EPB41: variants seen among roughly 807,000 people sequenced by gnomAD.
EPB41 encodes the protein protein 4.1.
Under a neutral mutation model 108.0 loss-of-function variants are expected in EPB41, and 65 were observed. The ratio of observed to expected loss-of-function variants is 0.60; its 90% confidence interval spans 0.49 to 0.74. EPB41 has a LOEUF of 0.74. EPB41 is among the 30% of genes least tolerant of loss of function. The pLI is 0.00. For synonymous variants in EPB41, 336 were observed against 358.9 expected, an observed-to-expected ratio of 0.94 and a Z score of 0.72; for missense variants, 875 against 1,037.0, an observed-to-expected ratio of 0.84 and a Z score of 2.15.
At chr1:28,970,612 T>G (rs1325987724) in intron 1 of EPB41, among the ~76,000 whole-genome samples, 1 of 152,192 alleles carries the variant, frequency 6.6e-6, no homozygotes, top group African/African-American at 2.4e-5. Context: ...AGAGTTTATA[T>G]GGATACAACA....
intron 10 of EPB41, 84 bp downstream of exon 10, chr1:29,036,007 T>A: frequency 1.0e-6 from 1 of 998,396 alleles, no homozygotes; most frequent in Non-Finnish European, 1.6e-6. Context: ...TTCCTTTCAT[T>A]GTATGACTGG....
At chr1:29,067,640 C>A (rs1209244716) in intron 16 of EPB41, among the ~76,000 whole-genome samples, 1 of 146,456 alleles carries the variant, frequency 6.8e-6, no homozygotes, top group Non-Finnish European at 1.5e-5. Flanking sequence ...GCACTCCAGC[C>A]TGGGCAACGG....
intron 1 of EPB41, among the ~76,000 whole-genome samples, chr1:28,981,272 A>G (rs1332731637): frequency 2.0e-5 from 3 of 152,248 alleles, no homozygotes; most frequent in African/African-American, 7.2e-5. Context: ...GCCTAAAACA[A>G]CATATATGCA....
chr1:29,096,915 G>T (rs1663400060), intron 16 of EPB41: 1 of 152,218 alleles, frequency 6.6e-6, no homozygotes, highest in Non-Finnish European at 1.5e-5. Context: ...GACTTCTGTG[G>T]TGAGGAGGCT....
intron 9 of EPB41, among the ~76,000 whole-genome samples, chr1:29,035,579 G>GAA (rs796270560): frequency 0.011 from 1,495 of 132,766 alleles, 28 homozygotes; most frequent in African/African-American, 0.038. Flanking sequence ...GTGTTTTCTG[G>GAA]AAAAAAAAAA....
At chr1:28,973,412 C>T (rs2095535852) in intron 1 of EPB41, among the ~76,000 whole-genome samples, 2 of 151,950 alleles carry the variant, frequency 1.3e-5, no homozygotes. Flanking sequence ...TTTTCAGAGA[C>T]AGGGTCTTGC....
At position 29,038,831 on chromosome 1, in the gene EPB41, C is replaced by G. The variant is rs998735192; in HGVS notation, c.1464-423C>G. ...TTAATTGAGTTTGGAGTGCATTTGA[C>G]AAAACTGTCATTCCAGGAGAGTGGA... On this transcript the variant is annotated intron_variant, in intron 10 of 20. Coordinates refer to ENST00000343067, the MANE Select transcript of EPB41 (RefSeq NM_001376013.1). Among the ~76,000 whole-genome samples the G allele has an allele frequency of 2.0e-5, 3 of 152,194 alleles. No homozygotes were observed. In the South Asian group the frequency reaches 6.2e-4, roughly 31 times the overall value.
chr1:29,020,731 C>T (rs980156087), intron 7 of EPB41, among the ~76,000 whole-genome samples: 10 of 151,884 alleles, frequency 6.6e-5, no homozygotes, highest in Middle Eastern at 3.4e-3. Flanking sequence ...GATCATAGCT[C>T]GCTGCAGCTT....
Position 29,115,676 on chromosome 1 carries a change from G to A in EPB41, c.2497-23G>A. The A allele has an allele frequency of 6.2e-7, 1 of 1,603,094 alleles. No homozygotes were observed. Among genetic ancestry groups the A allele is most frequent in the Non-Finnish European group, 8.5e-7 (1 of 1,170,414 alleles). ...CCATCAGGCTATTTTCTGCCTCATT[G>A]CCCTTGTTTCTGTCTTTTGTAGGTC... On this transcript the variant is annotated intron_variant, in intron 19 of 20. Coordinates refer to ENST00000343067, the MANE Select transcript of EPB41 (RefSeq NM_001376013.1). This position sits in a 1 kb window ranked among gnomAD's most constrained non-coding sequence, Gnocchi z 4.4.
chr1:28,936,467 G>T (rs1330921723), intron 1 of EPB41, among the ~76,000 whole-genome samples: 1 of 152,028 alleles, frequency 6.6e-6, no homozygotes, highest in Non-Finnish European at 1.5e-5. Flanking sequence ...CAATTCAGTG[G>T]TCTTTTAGTA....
chr1:28,952,542 A>G (rs999188889), intron 1 of EPB41, among the ~76,000 whole-genome samples: 2 of 152,140 alleles, frequency 1.3e-5, no homozygotes, highest in African/African-American at 4.8e-5. Flanking sequence ...ATTAATAATA[A>G]TTAAAAAAAA....
rs568347858 is a variant in EPB41 at position 28,940,568 on chromosome 1, C to T, written c.-8+25800C>T. On this transcript the variant is annotated intron_variant, in intron 1 of 20. Coordinates refer to ENST00000343067, the MANE Select transcript of EPB41 (RefSeq NM_001376013.1). ...TCTGGAAGCTGAGGCAGGAAAATCACTTGAACCCGGGAGGCGGAGGTTGCA... is the reference window on the plus strand; with the variant it reads ...TCTGGAAGCTGAGGCAGGAAAATCATTTGAACCCGGGAGGCGGAGGTTGCA... Among the ~76,000 whole-genome samples, 11 of 152,274 alleles carry T rather than the reference C, an allele frequency of 7.2e-5. No homozygotes were observed. In the South Asian group the frequency reaches 8.3e-4, roughly 11 times the overall value.
At chr1:28,971,785 G>C (rs1465425936) in intron 1 of EPB41, among the ~76,000 whole-genome samples, 1 of 152,130 alleles carries the variant, frequency 6.6e-6, no homozygotes, top group Non-Finnish European at 1.5e-5. Flanking sequence ...GGTTCATAAT[G>C]ATGACTAAAT....
intron 1 of EPB41, among the ~76,000 whole-genome samples, chr1:28,974,415 A>G (rs1377667509): frequency 1.3e-5 from 2 of 152,190 alleles, no homozygotes; most frequent in South Asian, 2.1e-4. Context: ...TGTGTGAACT[A>G]TTGTCAAATT....
intron 15 of EPB41, among the ~76,000 whole-genome samples, chr1:29,063,436 A>C (rs921666094): frequency 2.6e-5 from 4 of 152,226 alleles, no homozygotes; most frequent in Non-Finnish European, 5.9e-5. Flanking sequence ...AAAAATAAAA[A>C]GAATAGACTA....
At chr1:29,036,191 G>A (rs1639346176) in intron 10 of EPB41, among the ~76,000 whole-genome samples, 1 of 151,562 alleles carries the variant, frequency 6.6e-6, no homozygotes, top group African/African-American at 2.4e-5. Context: ...CTCTGGGATT[G>A]CATTAATTGT....
intron 4 of EPB41, among the ~76,000 whole-genome samples, chr1:29,007,322 G>A (rs1397166382): frequency 6.6e-6 from 1 of 152,124 alleles, no homozygotes. Flanking sequence ...GGGCTTTTAC[G>A]AATGCTTCTG....
chr1:29,111,422 C>T (rs573066707), intron 18 of EPB41, among the ~76,000 whole-genome samples: 9 of 150,548 alleles, frequency 6.0e-5, no homozygotes, highest in South Asian at 2.1e-4. Context: ...TTTGGGAGGC[C>T]GGGGCGGGCA....
intron 1 of EPB41, among the ~76,000 whole-genome samples, chr1:28,903,855 T>A (rs2091527477): frequency 6.6e-6 from 1 of 151,788 alleles, no homozygotes; most frequent in Non-Finnish European, 1.5e-5. Flanking sequence ...AAAGTGCAGT[T>A]TTTTTGTTGT....
Sources: gnomAD v4.1 joint callset for allele counts (sites outside exome capture counted in the v4.1 genomes callset) on GRCh38, gnomAD v4.1.1 for gene constraint, Gnocchi (gnomAD v3.1) non-coding constraint, MANE v1.5 for transcripts, NCBI Gene and HGNC (gene_info 2026-07-23, HGNC 2026-07-21) for gene names.